CAST: variants seen among roughly 807,000 people sequenced by gnomAD.
CAST encodes MIR583 host.
Under a neutral mutation model 119.6 loss-of-function variants are expected in CAST, and 76 were observed. The ratio of observed to expected loss-of-function variants is 0.64; its 90% CI spans 0.53 to 0.77. The LOEUF is 0.77. Among genes scored for constraint, CAST ranks in the 30% least tolerant of loss-of-function variants. The pLI is 0.00. For synonymous variants in CAST, 319 were observed against 331.6 expected (o/e 0.96, Z 0.41); for missense variants, 953 against 946.5 (o/e 1.01, Z -0.09).
chr5:96,577,461 G>A (rs962220420), intron 1 of CAST, among the ~76,000 whole-genome samples: 1 of 151,252 alleles, frequency 6.6e-6, no homozygotes, highest in African/African-American at 2.4e-5. Context: ...AGTTTCTTGA[G>A]GTAGGAACTT....
intron 1 of CAST, among the ~76,000 whole-genome samples, chr5:96,611,296 C>G (rs1561429776): frequency 6.6e-6 from 1 of 152,064 alleles, no homozygotes; most frequent in East Asian, 1.9e-4. Context: ...AACCCAGAAA[C>G]AGAGCCACTC....
At chr5:96,074,442 T>A in the CAST span, among the ~76,000 whole-genome samples, 9 of 152,280 alleles carry the variant, frequency 5.9e-5, no homozygotes, top group African/African-American at 2.2e-4. Context: ...CTCTTTGCCA[T>A]GTGAAGACAC....
At chr5:96,769,196 A>G (rs1346713117) in intron 29 of CAST, 2 of 152,170 alleles carry the variant, frequency 1.3e-5, no homozygotes, top group Non-Finnish European at 2.9e-5. Flanking sequence ...GCTCTCGATC[A>G]CTGAATTGTC....
chr5:96,451,797 G>T, the CAST span, among the ~76,000 whole-genome samples: 2 of 151,960 alleles, frequency 1.3e-5, no homozygotes, highest in African/African-American at 4.8e-5. Context: ...AGATTTACAA[G>T]AAAAAAACAA....
upstream of CAST, among the ~76,000 whole-genome samples, chr5:96,657,240 G>A (rs903959380): frequency 3.3e-5 from 5 of 152,188 alleles, no homozygotes; most frequent in African/African-American, 1.2e-4. Flanking sequence ...AGTATTGTGT[G>A]GTTTGGGTGT....
At chr5:96,160,189 A>G in the CAST span, among the ~76,000 whole-genome samples, 2 of 151,998 alleles carry the variant, frequency 1.3e-5, no homozygotes, top group Non-Finnish European at 2.9e-5. Context: ...ACAGAGTCAT[A>G]CAGCCATCAC....
chr5:96,280,304 G>T, the CAST span, among the ~76,000 whole-genome samples: 2 of 151,944 alleles, frequency 1.3e-5, no homozygotes, highest in African/African-American at 4.8e-5. Context: ...CACACTCCTT[G>T]GTTCCAATAT....
At chr5:96,540,780 G>A (rs1295545535) in intron 1 of CAST, among the ~76,000 whole-genome samples, 1 of 152,168 alleles carries the variant, frequency 6.6e-6, no homozygotes, top group African/African-American at 2.4e-5. Context: ...GTTATGAGGA[G>A]TATTGGTCAG....
chr5:96,045,959 A>C, the CAST span, among the ~76,000 whole-genome samples: 11 of 152,180 alleles, frequency 7.2e-5, no homozygotes, highest in African/African-American at 2.7e-4. Context: ...AAGACAGGGA[A>C]GTTTCCTCCC....
the CAST span, among the ~76,000 whole-genome samples, chr5:96,239,624 T>A: frequency 1.3e-5 from 2 of 152,116 alleles, no homozygotes; most frequent in Non-Finnish European, 2.9e-5. Flanking sequence ...TGTCCTAACG[T>A]CTTTCAATTT....
chr5:96,050,740 G>A, the CAST span, among the ~76,000 whole-genome samples: 2 of 152,170 alleles, frequency 1.3e-5, no homozygotes, highest in African/African-American at 4.8e-5. Flanking sequence ...TGGGTTTCCT[G>A]CAGTAGTGCT....
chr5:96,771,423 G>A (rs996114845), intron 30 of CAST, among the ~76,000 whole-genome samples: 1 of 152,010 alleles, frequency 6.6e-6, no homozygotes, highest in African/African-American at 2.4e-5. Context: ...AAAGCTGAGA[G>A]TGATACATTT....
intron 20 of CAST, among the ~76,000 whole-genome samples, 164 bp downstream of exon 20, chr5:96,750,846 C>T (rs965087402): frequency 1.3e-5 from 2 of 152,050 alleles, no homozygotes; most frequent in East Asian, 1.9e-4. Context: ...TCAGGGGTGT[C>T]GTAGAAATTC....
At chr5:96,128,319 TG>T in the CAST span, among the ~76,000 whole-genome samples, 1 of 152,078 alleles carries the variant, frequency 6.6e-6, no homozygotes, top group East Asian at 1.9e-4. Flanking sequence ...GCGTTTATTT[TG>T]GTTTTAACTA....
intron 1 of CAST, among the ~76,000 whole-genome samples, chr5:96,637,475 T>C (rs532430841): frequency 2.0e-5 from 3 of 152,322 alleles, no homozygotes; most frequent in Non-Finnish European, 2.9e-5. Context: ...ATTCAGCTTC[T>C]TAGGGCACAT....
At chr5:96,246,187 C>CTTTTTTCTTTTTTT in the CAST span, among the ~76,000 whole-genome samples, 1 of 76,386 alleles carries the variant, frequency 1.3e-5, no homozygotes, top group East Asian at 5.0e-4. Context: ...GTCTGTCTTC[C>CTTTTTTCTTTTTTT]TTTTTTTTTT....
At chr5:96,263,977 G>A in the CAST span, among the ~76,000 whole-genome samples, 1 of 152,202 alleles carries the variant, frequency 6.6e-6, no homozygotes, top group African/African-American at 2.4e-5. Flanking sequence ...CTTCCCATGA[G>A]GTCCTTCCCT....
intron 1 of CAST, among the ~76,000 whole-genome samples, chr5:96,621,209 CT>C (rs1345841739): frequency 6.6e-6 from 1 of 152,128 alleles, no homozygotes; most frequent in Non-Finnish European, 1.5e-5. Context: ...GGTTTTGTCT[CT>C]CATTAAAGGA....
chr5:96,191,510 CAG>C, the CAST span, among the ~76,000 whole-genome samples: 60 of 152,290 alleles, frequency 3.9e-4, no homozygotes, highest in African/African-American at 1.4e-3. Context: ...ATTTCATCTC[CAG>C]AGACTAAGCT....
Sources: gnomAD v4.1 joint callset for allele counts (sites outside exome capture counted in the v4.1 genomes callset) on GRCh38, gnomAD v4.1.1 for gene constraint, MANE v1.5 for transcripts, NCBI Gene and HGNC (gene_info 2026-07-23, HGNC 2026-07-21) for gene names.